ZBTB20: variants seen among roughly 807,000 people sequenced by gnomAD.
ZBTB20 encodes zinc finger and BTB domain-containing protein 20.
Under a neutral mutation model 56.9 loss-of-function variants are expected in ZBTB20, and 9 were observed. That is an observed-to-expected ratio of 0.16 (90% confidence interval 0.10 to 0.28). The LOEUF is 0.28. Ranked by LOEUF, ZBTB20 falls within the 10% of genes least tolerant of loss-of-function variation. The pLI is 1.00. For missense variants in ZBTB20, 655 were observed against 1,003.0 expected (o/e 0.65, Z 4.69); for synonymous variants, 417 against 420.7 (o/e 0.99, Z 0.11).
chr3:114,403,278 T>G (rs2086983035), intron 7 of ZBTB20, among the ~76,000 whole-genome samples: 1 of 152,150 alleles, frequency 6.6e-6, no homozygotes, highest in Non-Finnish European at 1.5e-5. Context: ...ACCATGTTCT[T>G]TCTCCTCTAA....
intron 6 of ZBTB20, among the ~76,000 whole-genome samples, chr3:114,629,095 G>C (rs903727788): frequency 3.9e-5 from 6 of 152,134 alleles, no homozygotes; most frequent in African/African-American, 1.4e-4. Flanking sequence ...CAGTATTCTG[G>C]AAGCAGTGGG....
At chr3:114,733,728 T>C (rs906683779) in intron 5 of ZBTB20, among the ~76,000 whole-genome samples, 1 of 152,102 alleles carries the variant, frequency 6.6e-6, no homozygotes, top group Non-Finnish European at 1.5e-5. Flanking sequence ...TTGATATACA[T>C]TGGATTGCTT....
intron 1 of ZBTB20, among the ~76,000 whole-genome samples, chr3:115,132,434 T>C (rs1384273465): frequency 6.6e-6 from 1 of 152,222 alleles, no homozygotes; most frequent in East Asian, 1.9e-4. Context: ...TTCAAGTTTC[T>C]ATAATTTTTA....
chr3:114,740,780 C>G (rs890373431), intron 5 of ZBTB20, among the ~76,000 whole-genome samples: 1 of 152,126 alleles, frequency 6.6e-6, no homozygotes, highest in Non-Finnish European at 1.5e-5. Context: ...CACTAAAATA[C>G]ATTTTTCCAA....
rs1336225120 is a variant in ZBTB20, at chr3:114,315,078, G to T, written c.*23927C>A. On this transcript the variant is annotated 3_prime_UTR_variant, in exon 12 of 12. Transcript: ENST00000675478. ...ACTGACAACAATTTAAGAGTATAATGAGAAAAAAAAAGGAACAAACTCCCT... is the reference window on the plus strand; with the variant it reads ...ACTGACAACAATTTAAGAGTATAATTAGAAAAAAAAAGGAACAAACTCCCT... The T allele has an allele frequency of 1.3e-5, 2 of 151,576 alleles. No homozygotes were observed. The highest frequency in any genetic ancestry group is 2.9e-5 in the Non-Finnish European group (2 of 67,828). 9.4% of individuals were successfully genotyped at this position (151,576 alleles called of 1,614,324 possible). A position where few individuals can be genotyped will look rare whatever the true frequency, so the allele number is the denominator to read the frequency against.
At chr3:114,840,022 A>G (rs2074315078) in intron 4 of ZBTB20, among the ~76,000 whole-genome samples, 1 of 152,250 alleles carries the variant, frequency 6.6e-6, no homozygotes, top group Non-Finnish European at 1.5e-5. Flanking sequence ...GTAAATTAAT[A>G]CACCCAGAAC....
At chr3:114,655,904 G>T (rs1375349186) in intron 6 of ZBTB20, among the ~76,000 whole-genome samples, 1 of 152,046 alleles carries the variant, frequency 6.6e-6, no homozygotes, top group Admixed American at 6.5e-5. Flanking sequence ...CATGTAAATA[G>T]ATACTTTAAA....
chr3:114,680,433 A>C (rs1476861874), intron 6 of ZBTB20, among the ~76,000 whole-genome samples: 1 of 152,214 alleles, frequency 6.6e-6, no homozygotes. Flanking sequence ...TAAACAGTTA[A>C]CAGCCTGAGG....
rs1576162445 is a variant in ZBTB20, at chr3:114,318,200, G to A, written c.*20805C>T. Reference sequence around the variant, plus strand: ...GGCACTGCCTCTCCATCTTCACAGTGAGCAGATGGATGGATAATCCACAGA... The same window carrying A: ...GGCACTGCCTCTCCATCTTCACAGTAAGCAGATGGATGGATAATCCACAGA... On this transcript the variant is annotated 3_prime_UTR_variant, in exon 12 of 12. Coordinates refer to ENST00000675478, the MANE Select transcript of ZBTB20 (RefSeq NM_001348800.3). The A allele has an allele frequency of 6.6e-6, 1 of 152,340 alleles. No homozygotes were observed. The highest frequency in any genetic ancestry group is 2.1e-4 in the South Asian group (1 of 4,824). The allele number at this position is 152,340 out of a possible 1,614,324, so 9.4% of individuals were successfully genotyped here. A position where few individuals can be genotyped will look rare whatever the true frequency, so the allele number is the denominator to read the frequency against.
chr3:114,793,268 T>C (rs1350931253), intron 5 of ZBTB20, among the ~76,000 whole-genome samples: 1 of 152,184 alleles, frequency 6.6e-6, no homozygotes, highest in African/African-American at 2.4e-5. Context: ...TTAATTAAGT[T>C]AGTCTTAAGA....
intron 5 of ZBTB20, among the ~76,000 whole-genome samples, chr3:114,763,305 A>C (rs2068560723): frequency 6.6e-6 from 1 of 152,198 alleles, no homozygotes; most frequent in Non-Finnish European, 1.5e-5. Flanking sequence ...TCTTGTCAGA[A>C]AACTAGTCAT....
rs1168068705 is a variant in ZBTB20, at chr3:114,319,137, C to G, written c.*19868G>C. ...ACTGCAGCATATCCTTAAGGGCAAACTTTTCGATTAGTTTTTTTCTTTTTT... is the reference window on the plus strand; with the variant it reads ...ACTGCAGCATATCCTTAAGGGCAAAGTTTTCGATTAGTTTTTTTCTTTTTT... On this transcript the variant is annotated 3_prime_UTR_variant, in exon 12 of 12. Coordinates refer to ENST00000675478, the MANE Select transcript of ZBTB20 (RefSeq NM_001348800.3). The G allele has an allele frequency of 1.3e-5, 2 of 151,128 alleles. No homozygotes were observed. Among genetic ancestry groups the G allele is most frequent in the African/African-American group, 4.9e-5 (2 of 41,148 alleles). 9.4% of individuals were successfully genotyped at this position (151,128 alleles called of 1,614,324 possible). A position where few individuals can be genotyped will look rare whatever the true frequency, so the allele number is the denominator to read the frequency against.
At chr3:114,834,343 C>T (rs2074010798) in intron 4 of ZBTB20, among the ~76,000 whole-genome samples, 3 of 152,098 alleles carry the variant, frequency 2.0e-5, no homozygotes, top group Non-Finnish European at 4.4e-5. Flanking sequence ...TCCAACAGTG[C>T]CTATGACATC....
At chr3:114,852,952 T>C (rs1393502750) in intron 4 of ZBTB20, among the ~76,000 whole-genome samples, 3 of 152,212 alleles carry the variant, frequency 2.0e-5, no homozygotes, top group Admixed American at 2.0e-4. Context: ...TCTCAGTGTC[T>C]TGTCTTCCCC....
rs544274901 is a variant in ZBTB20, at chr3:114,561,370, G to A, written c.-294-60979C>T. Among the ~76,000 whole-genome samples the A allele has an allele frequency of 2.2e-4, 33 of 152,186 alleles. No homozygotes were observed. In the South Asian group the frequency reaches 5.2e-3, roughly 24 times the overall value. On this transcript the variant is annotated intron_variant, in intron 6 of 11. Coordinates refer to ENST00000675478, the MANE Select transcript of ZBTB20 (RefSeq NM_001348800.3). The stretch of plus-strand genomic sequence containing the variant: ...GTTTTCAATTTACTTTGCCTATGTC[G>A]ATGATAGAAATCACTATCTACGGTA...
chr3:114,839,528 A>G (rs1490582579), intron 4 of ZBTB20, among the ~76,000 whole-genome samples: 5 of 152,220 alleles, frequency 3.3e-5, no homozygotes, highest in Non-Finnish European at 5.9e-5. Context: ...AGATATATCT[A>G]TAATAGAGGA....
rs1026917685 is a variant in ZBTB20 at position 114,743,191 on chromosome 3, G to C, written c.-342-49616C>G. ...ATGTTTATTACTCTCATCCCCAAAG[G>C]GAAGTATAAAGCTGGCCTTAAAAGC... is the stretch of plus-strand genomic sequence containing the variant. On this transcript the variant is annotated intron_variant, in intron 5 of 11. Transcript: ENST00000675478. Among the ~76,000 whole-genome samples the C allele has an allele frequency of 3.3e-5, 5 of 152,150 alleles. No homozygotes were observed. The East Asian group carries it at 9.7e-4, about 29-fold the overall frequency.
chr3:115,021,245 T>A (rs2108303083), intron 2 of ZBTB20, among the ~76,000 whole-genome samples: 1 of 151,000 alleles, frequency 6.6e-6, no homozygotes, highest in South Asian at 2.1e-4. Flanking sequence ...ATGTTTGAAT[T>A]TTGGATTTAG....
chr3:114,513,044 T>G (rs1280281771), intron 6 of ZBTB20, among the ~76,000 whole-genome samples: 1 of 152,186 alleles, frequency 6.6e-6, no homozygotes, highest in Non-Finnish European at 1.5e-5. Context: ...CTGGCTACCT[T>G]AGGTAAATGA....
Sources: gnomAD v4.1 joint callset for allele counts (sites outside exome capture counted in the v4.1 genomes callset) on GRCh38, gnomAD v4.1.1 for gene constraint, MANE v1.5 for transcripts, NCBI Gene and HGNC (gene_info 2026-07-23, HGNC 2026-07-21) for gene names.